Variants in NUMB observed in about 807,000 individuals in gnomAD.
The protein encoded by NUMB is protein numb homolog.
NUMB carries 29 observed loss-of-function variants against 59.7 expected under a neutral mutation model. That is an observed-to-expected ratio of 0.49 (90% CI 0.36 to 0.66). The LOEUF is 0.66. Ranked by LOEUF, NUMB falls within the 30% of genes least tolerant of loss-of-function variation. NUMB has a pLI of 0.00. For missense variants in NUMB, 723 were observed against 822.0 expected, an observed-to-expected ratio of 0.88 and a Z score of 1.47; for synonymous variants, 288 against 288.2, an observed-to-expected ratio of 1.00 and a Z score of 0.01.
intron 2 of NUMB, among the ~76,000 whole-genome samples, chr14:73,405,327 C>T (rs1896604478): frequency 6.6e-6 from 1 of 152,046 alleles, no homozygotes; most frequent in Non-Finnish European, 1.5e-5. Flanking sequence ...CACAATGGTG[C>T]AGGCAGAGAG....
chr14:73,359,280 A>C (rs1893978520), intron 3 of NUMB, among the ~76,000 whole-genome samples: 1 of 152,222 alleles, frequency 6.6e-6, no homozygotes, highest in East Asian at 1.9e-4. Flanking sequence ...CAGGAGGCAG[A>C]GGCTGCAGTG....
intron 2 of NUMB, among the ~76,000 whole-genome samples, chr14:73,399,368 A>G (rs1282906567): frequency 6.6e-6 from 1 of 152,124 alleles, no homozygotes; most frequent in Admixed American, 6.6e-5. Flanking sequence ...GTTAGAAACC[A>G]GCCTGACGAA....
chr14:73,444,635 A>G (rs1883328515), intron 1 of NUMB, among the ~76,000 whole-genome samples: 1 of 152,068 alleles, frequency 6.6e-6, no homozygotes, highest in African/African-American at 2.4e-5. Flanking sequence ...ATTTTTCTCT[A>G]GATCACAAGG....
At chr14:73,357,677 C>A (rs1237631309) in intron 3 of NUMB, among the ~76,000 whole-genome samples, 1 of 151,978 alleles carries the variant, frequency 6.6e-6, no homozygotes, top group Non-Finnish European at 1.5e-5. Flanking sequence ...GCAGAAGAAT[C>A]GCTTGAACCC....
chr14:73,287,259 T>C lies in NUMB; in HGVS notation c.506A>G (p.Lys169Arg), dbSNP rs2139817363. 6.2e-7 allele frequency: 1 copy of C among 1,613,800 alleles called. No individual in the cohort carries two copies. The highest frequency in any genetic ancestry group is 8.5e-7 in the Non-Finnish European group (1 of 1,179,988). The change falls in exon 9 of 13, where the codon AAG (lysine) becomes AGG (arginine). Residue 169 changes from lysine (K) to arginine (R), a missense_variant. By Grantham distance (26) the Lys-to-Arg change is conservative (BLOSUM62 2). Around this residue, in one of 2 missense-constraint regions of NUMB, gnomAD observed 317 missense variants for 436.6 expected, o/e 0.73. Coordinates refer to ENST00000555238, the MANE Select transcript of NUMB (RefSeq NM_001005743.2). ...GCAFAACLER[K>R]QKREKECGVT... is the part of the protein sequence containing the mutation. ...TCCACATTCCTTCTCCCGCTTCTGC[T>C]TGCGCTCTAAACAGGCTGCAAAAGC... is the stretch of plus-strand genomic sequence containing the variant.
intron 1 of NUMB, among the ~76,000 whole-genome samples, chr14:73,436,313 T>TTTTTG (rs929066008): frequency 2.0e-5 from 3 of 152,042 alleles, no homozygotes; most frequent in African/African-American, 7.2e-5. Flanking sequence ...TTTTGAAGGA[T>TTTTTG]TTTTGTTTTG....
Position 73,389,272 on chromosome 14 carries a change from C to CAAAAA in NUMB, c.-101+20660_-101+20664dup, listed in dbSNP as rs869074049. Among the ~76,000 whole-genome samples, 266 of 66,174 alleles carry CAAAAA rather than the reference C, an allele frequency of 4.0e-3. 2 individuals are homozygous for CAAAAA. Among genetic ancestry groups the CAAAAA allele is most frequent in the Non-Finnish European group, 4.7e-3 (165 of 34,926 alleles). 43.4% of individuals were successfully genotyped at this position (66,174 alleles called of 152,430 possible). On this transcript the variant is annotated intron_variant, in intron 2 of 12. Transcript: ENST00000555238. ...GGTTACAGAGCGAGACTCCATCTCT[C>CAAAAA]AAAAAAAAAAAAAAAAAAAAACAAA...
intron 3 of NUMB, among the ~76,000 whole-genome samples, chr14:73,358,380 C>A (rs1156853394): frequency 6.6e-6 from 1 of 152,156 alleles, no homozygotes; most frequent in African/African-American, 2.4e-5. Context: ...TAAACACAGT[C>A]CTTCTTCCTC....
chr14:73,386,855 A>C (rs1208483439), intron 2 of NUMB, among the ~76,000 whole-genome samples: 2 of 139,774 alleles, frequency 1.4e-5, no homozygotes, highest in Non-Finnish European at 3.0e-5. Context: ...AAGACAATCT[A>C]TCAGGTGTCT....
At chr14:73,283,131 G>A (rs954753106) in intron 10 of NUMB, among the ~76,000 whole-genome samples, 3 of 152,190 alleles carry the variant, frequency 2.0e-5, no homozygotes, top group Non-Finnish European at 1.5e-5. Context: ...CTGTATCACT[G>A]AGGAAGCTAA....
chr14:73,372,128 GA>G (rs1303521615), intron 2 of NUMB, among the ~76,000 whole-genome samples: 1 of 149,058 alleles, frequency 6.7e-6, no homozygotes, highest in Non-Finnish European at 1.5e-5. Context: ...AACTACTTGG[GA>G]AGCTGAGGCA....
intron 2 of NUMB, among the ~76,000 whole-genome samples, chr14:73,394,791 CT>C (rs1896037015): frequency 6.6e-6 from 1 of 152,064 alleles, no homozygotes; most frequent in African/African-American, 2.4e-5. Flanking sequence ...ATTTGTCTGT[CT>C]TTTCTTTTTT....
At chr14:73,428,902 G>T (rs1013184374) in intron 1 of NUMB, among the ~76,000 whole-genome samples, 7 of 152,034 alleles carry the variant, frequency 4.6e-5, no homozygotes, top group African/African-American at 1.7e-4. Context: ...AACTTTAATT[G>T]GAGAGGTGTA....
chr14:73,368,995 T>C (rs1894525987), intron 2 of NUMB, among the ~76,000 whole-genome samples: 1 of 151,980 alleles, frequency 6.6e-6, no homozygotes, highest in Non-Finnish European at 1.5e-5. Context: ...GTCACTAAAA[T>C]GGAAGGTGGC....
At chr14:73,339,428 C>T (rs1172336438) in intron 4 of NUMB, among the ~76,000 whole-genome samples, 1 of 152,196 alleles carries the variant, frequency 6.6e-6, no homozygotes, top group Admixed American at 6.5e-5. Context: ...TTTGTACTTG[C>T]CATTCCTTCT....
chr14:73,445,354 CAAAAAAAAAAAAAAAAAAAAAAAA>C (rs752154048), intron 1 of NUMB, among the ~76,000 whole-genome samples: 877 of 57,572 alleles, frequency 0.015, 22 homozygotes, highest in East Asian at 0.087. Context: ...GACCCTGTCT[CAAAAAAAAAAAAAAAAAAAAAAAA>C]AAAAAAAAAA....
chr14:73,449,673 A>G (rs938991790), intron 1 of NUMB, among the ~76,000 whole-genome samples: 1 of 147,008 alleles, frequency 6.8e-6, no homozygotes, highest in African/African-American at 2.6e-5. Flanking sequence ...GAAGTAGTAA[A>G]TGTTTAAAAT....
At chr14:73,289,440 C>A (rs1362082015) in intron 8 of NUMB, among the ~76,000 whole-genome samples, 1 of 152,100 alleles carries the variant, frequency 6.6e-6, no homozygotes, top group Non-Finnish European at 1.5e-5. Context: ...AGAGATGGTA[C>A]AATAATTGTT....
At chr14:73,355,062 G>T (rs1481945767) in intron 4 of NUMB, among the ~76,000 whole-genome samples, 2 of 152,014 alleles carry the variant, frequency 1.3e-5, no homozygotes, top group African/African-American at 4.8e-5. Context: ...CCTGTCTCAG[G>T]CAATACAAAG....
Sources: allele counts gnomAD v4.1 joint callset (sites outside exome capture counted in the v4.1 genomes callset), GRCh38; gene constraint gnomAD v4.1.1; regional missense constraint gnomAD v4.1.1; transcripts MANE v1.5; gene names NCBI Gene and HGNC (gene_info 2026-07-23, HGNC 2026-07-21).